Variants in CNTN4 observed in about 807,000 individuals in gnomAD.
CNTN4 encodes the protein contactin-4.
In CNTN4, 77 loss-of-function variants were observed where a neutral mutation model predicts 122.5. The ratio of observed to expected loss-of-function variants is 0.63; its 90% CI spans 0.52 to 0.76. The LOEUF is 0.76. CNTN4 is among the 30% of genes least tolerant of loss of function. CNTN4 has a pLI of 0.00. For synonymous variants in CNTN4, 512 were observed against 447.0 expected, an observed-to-expected ratio of 1.15 and a Z score of -1.83; for missense variants, 1,256 against 1,259.1, an observed-to-expected ratio of 1.00 and a Z score of 0.04.
At chr3:2,728,287 G>T (rs1334404582) in intron 4 of CNTN4, among the ~76,000 whole-genome samples, 2 of 152,188 alleles carry the variant, frequency 1.3e-5, no homozygotes, top group African/African-American at 4.8e-5. Context: ...AGATGCTGCT[G>T]ATCTTACAGT....
chr3:2,880,904 A>G (rs1016441358), intron 8 of CNTN4, among the ~76,000 whole-genome samples: 5 of 152,186 alleles, frequency 3.3e-5, no homozygotes, highest in Non-Finnish European at 7.3e-5. Flanking sequence ...GCGTCCCTTC[A>G]AGAATAGGTT....
chr3:2,919,314 T>C (rs1016375370), intron 12 of CNTN4, among the ~76,000 whole-genome samples: 1 of 142,522 alleles, frequency 7.0e-6, no homozygotes, highest in African/African-American at 2.7e-5. Context: ...ATTGCACCAC[T>C]GCACTCCAGC....
At position 2,844,092 on chromosome 3, in the gene CNTN4, C is replaced by G. The variant is rs112785340; in HGVS notation, c.455-22660C>G. On this transcript the variant is annotated intron_variant, in intron 7 of 24. Coordinates refer to ENST00000418658, the MANE Select transcript of CNTN4 (RefSeq NM_175607.3). ...AAACACGTCCCTCCTAGCAATGGGG[C>G]CTTTGTGAGTGTTGCTCCCATGCCT... Among the ~76,000 whole-genome samples the G allele has an allele frequency of 7.3e-3, 1,108 of 152,270 alleles. 18 individuals are homozygous for G. Among genetic ancestry groups the G allele is most frequent in the African/African-American group, 0.026 (1,064 of 41,552 alleles).
chr3:2,159,899 C>T (rs114994199), intron 2 of CNTN4, among the ~76,000 whole-genome samples: 1,943 of 151,756 alleles, frequency 0.013, 45 homozygotes, highest in African/African-American at 0.044. Context: ...CTTGGACCAC[C>T]TGCTTTGGCT....
intron 5 of CNTN4, among the ~76,000 whole-genome samples, chr3:2,740,411 T>C: frequency 6.6e-6 from 1 of 152,074 alleles, no homozygotes; most frequent in East Asian, 1.9e-4. Flanking sequence ...TATTTTTGGG[T>C]GGCATGCTCT....
intron 4 of CNTN4, among the ~76,000 whole-genome samples, chr3:2,600,917 A>G (rs1471781649): frequency 6.6e-6 from 1 of 151,984 alleles, no homozygotes; most frequent in Non-Finnish European, 1.5e-5. Flanking sequence ...ATGGTATCTC[A>G]TTGTGGTTTT....
chr3:2,607,143 G>A (rs555467676), intron 4 of CNTN4, among the ~76,000 whole-genome samples: 185 of 152,218 alleles, frequency 1.2e-3, no homozygotes, highest in Admixed American at 2.1e-3. Context: ...TTTGGCATCT[G>A]GTTCAAACTA....
At chr3:2,353,460 C>T (rs1233252905) in intron 3 of CNTN4, among the ~76,000 whole-genome samples, 1 of 152,134 alleles carries the variant, frequency 6.6e-6, no homozygotes. Context: ...TGCAATAAAT[C>T]TTGCCGCTGC....
At chr3:2,904,437 C>T (rs940375686) in intron 12 of CNTN4, among the ~76,000 whole-genome samples, 2 of 152,272 alleles carry the variant, frequency 1.3e-5, no homozygotes, top group South Asian at 2.1e-4. Flanking sequence ...TCACTAAGTT[C>T]GTTAGCACTG....
chr3:2,900,894 G>T, intron 11 of CNTN4, 73 bp downstream of exon 11: 1 of 1,553,620 alleles, frequency 6.4e-7, no homozygotes, highest in Non-Finnish European at 8.9e-7. Context: ...CCGTGGAAAC[G>T]GGAGAATGGT....
At chr3:3,031,458 T>C (rs1287647347) in intron 16 of CNTN4, among the ~76,000 whole-genome samples, 2 of 152,112 alleles carry the variant, frequency 1.3e-5, no homozygotes, top group Non-Finnish European at 2.9e-5. Flanking sequence ...AAAATAGGGT[T>C]TTGGGAGAGG....
chr3:2,453,282 C>T (rs1480994689), intron 3 of CNTN4, among the ~76,000 whole-genome samples: 1 of 151,938 alleles, frequency 6.6e-6, no homozygotes, highest in Non-Finnish European at 1.5e-5. Context: ...TCATTACCTA[C>T]AGTGAACTTT....
rs563474485 is a variant in CNTN4, at chr3:2,189,713, C to T, written c.-145+89074C>T. Among the ~76,000 whole-genome samples the T allele has an allele frequency of 2.6e-5, 4 of 151,570 alleles. No individual in the cohort carries two copies. In the East Asian group the frequency reaches 5.9e-4, roughly 22 times the overall value. On this transcript the variant is annotated intron_variant, in intron 2 of 24. Coordinates refer to ENST00000418658, the MANE Select transcript of CNTN4 (RefSeq NM_175607.3). ...CATTATTCATGAAAAATACGATTTCCATAGAACTCTGTGTCCATTCCTATG... is the reference window on the plus strand; with the variant it reads ...CATTATTCATGAAAAATACGATTTCTATAGAACTCTGTGTCCATTCCTATG...
chr3:2,437,519 C>T (rs1000891479), intron 3 of CNTN4, among the ~76,000 whole-genome samples: 1 of 151,978 alleles, frequency 6.6e-6, no homozygotes, highest in African/African-American at 2.4e-5. Context: ...ATATTTTATT[C>T]CAGAAAACTA....
intron 12 of CNTN4, among the ~76,000 whole-genome samples, chr3:2,914,629 T>C (rs62232781): frequency 0.088 from 13,442 of 152,270 alleles, 638 homozygotes; most frequent in Middle Eastern, 0.14. Context: ...AGCAAGGAGA[T>C]TGAAGTAGTA....
At chr3:2,288,205 A>G (rs560829449) in intron 2 of CNTN4, among the ~76,000 whole-genome samples, 1 of 152,214 alleles carries the variant, frequency 6.6e-6, no homozygotes, top group African/African-American at 2.4e-5. Flanking sequence ...GTAATTTACA[A>G]GAAAAGAAGT....
At chr3:2,325,927 C>T (rs2043438760) in intron 2 of CNTN4, among the ~76,000 whole-genome samples, 1 of 151,932 alleles carries the variant, frequency 6.6e-6, no homozygotes, top group Non-Finnish European at 1.5e-5. Context: ...AATATTTGAG[C>T]CTGTTTTGGG....
At chr3:3,027,753 C>T (rs149087099) in intron 15 of CNTN4, among the ~76,000 whole-genome samples, 376 of 152,218 alleles carry the variant, frequency 2.5e-3, no homozygotes, top group African/African-American at 7.9e-3. Context: ...AACAGATGCC[C>T]GACCAATCGA....
Position 2,210,778 on chromosome 3 carries a change from A to C in CNTN4, c.-145+110139A>C, listed in dbSNP as rs561746672. Among the ~76,000 whole-genome samples the C allele has an allele frequency of 7.2e-5, 11 of 152,226 alleles. No individual in the cohort carries two copies. In the South Asian group the frequency reaches 1.9e-3, roughly 26 times the overall value. On this transcript the variant is annotated intron_variant, in intron 2 of 24. Transcript: ENST00000418658. ...TTCTTGACATCTTTTGTCTTTTTGA[A>C]TCTGCCCATTTCCTTCAATACATCA...
Sources: allele counts gnomAD v4.1 joint callset (sites outside exome capture counted in the v4.1 genomes callset), GRCh38; gene constraint gnomAD v4.1.1; transcripts MANE v1.5; gene names NCBI Gene and HGNC (gene_info 2026-07-23, HGNC 2026-07-21).